Variants in BMPER observed in about 807,000 individuals in gnomAD.
BMPER encodes the protein BMP-binding endothelial regulator protein.
Under a neutral mutation model 87.3 loss-of-function variants are expected in BMPER, and 45 were observed. That is an observed-to-expected ratio of 0.52 (90% confidence interval 0.41 to 0.66). BMPER has a LOEUF of 0.66. BMPER is among the 30% of genes least tolerant of loss of function. BMPER has a pLI of 0.00. For synonymous variants in BMPER, 326 were observed against 316.2 expected, an observed-to-expected ratio of 1.03 and a Z score of -0.33; for missense variants, 784 against 867.5, an observed-to-expected ratio of 0.90 and a Z score of 1.21.
intron 11 of BMPER, among the ~76,000 whole-genome samples, chr7:34,064,705 C>G (rs1788533003): frequency 6.6e-6 from 1 of 152,216 alleles, no homozygotes; most frequent in Non-Finnish European, 1.5e-5. Context: ...GCATGTGGTT[C>G]TCTGTCCAAG....
chr7:34,143,132 A>G (rs1328284876), intron 13 of BMPER, 98 bp from the exon 14 acceptor site: 7 of 1,564,532 alleles, frequency 4.5e-6, no homozygotes, highest in South Asian at 2.2e-5. Context: ...TAATGGGCCA[A>G]TCAGGTTTTC....
At chr7:34,003,470 C>T (rs575427308) in intron 6 of BMPER, among the ~76,000 whole-genome samples, 19 of 151,906 alleles carry the variant, frequency 1.3e-4, no homozygotes, top group South Asian at 1.0e-3. Flanking sequence ...ATGCAGTTTC[C>T]GTTAAATCCT....
chr7:34,101,825 C>T (rs545327408), intron 13 of BMPER, among the ~76,000 whole-genome samples: 6 of 152,192 alleles, frequency 3.9e-5, no homozygotes. Context: ...CCAGGACCCC[C>T]TCAGGTGGTG....
chr7:33,926,054 C>A (rs1226405713), intron 2 of BMPER, among the ~76,000 whole-genome samples: 1 of 152,144 alleles, frequency 6.6e-6, no homozygotes, highest in African/African-American at 2.4e-5. Flanking sequence ...ATGGGAGGTG[C>A]CTGTGCTGTG....
At chr7:34,120,501 C>T (rs1312463861) in intron 13 of BMPER, among the ~76,000 whole-genome samples, 6 of 152,040 alleles carry the variant, frequency 3.9e-5, no homozygotes, top group Non-Finnish European at 5.9e-5. Flanking sequence ...CGGGTTCAAG[C>T]GATTCCTTTG....
intron 12 of BMPER, among the ~76,000 whole-genome samples, chr7:34,080,179 A>G (rs1398760894): frequency 1.3e-5 from 2 of 152,244 alleles, no homozygotes; most frequent in African/African-American, 4.8e-5. Flanking sequence ...GAATTTAACA[A>G]GTGTGAAAGT....
intron 6 of BMPER, among the ~76,000 whole-genome samples, chr7:34,025,878 A>G (rs1004812634): frequency 1.3e-5 from 2 of 151,996 alleles, no homozygotes; most frequent in Non-Finnish European, 1.5e-5. Flanking sequence ...GCATTTATTC[A>G]GAAGCTGGAA....
At chr7:33,980,949 T>C (rs1246840024) in intron 6 of BMPER, among the ~76,000 whole-genome samples, 1 of 152,096 alleles carries the variant, frequency 6.6e-6, no homozygotes, top group Non-Finnish European at 1.5e-5. Flanking sequence ...CAAGGAAGGG[T>C]ATTTGAAGAA....
intron 2 of BMPER, among the ~76,000 whole-genome samples, chr7:33,918,489 ACACT>A (rs1355233154): frequency 1.3e-5 from 2 of 152,180 alleles, no homozygotes; most frequent in Admixed American, 1.3e-4. Flanking sequence ...AATTCCAGAG[ACACT>A]CACAGCCTGC....
chr7:34,041,734 C>A (rs1787837627), intron 6 of BMPER, among the ~76,000 whole-genome samples: 2 of 152,152 alleles, frequency 1.3e-5, no homozygotes, highest in South Asian at 4.1e-4. Flanking sequence ...CCCCCTCCAA[C>A]TTCTCTCTCT....
chr7:33,915,020 A>G (rs1217289810), intron 2 of BMPER, among the ~76,000 whole-genome samples: 2 of 152,290 alleles, frequency 1.3e-5, no homozygotes, highest in Admixed American at 1.3e-4. Flanking sequence ...CATAGATGAG[A>G]TTCAGTGGAT....
intron 13 of BMPER, among the ~76,000 whole-genome samples, chr7:34,089,754 G>A (rs1177621254): frequency 2.0e-5 from 3 of 152,162 alleles, no homozygotes; most frequent in Non-Finnish European, 4.4e-5. Flanking sequence ...AAAGTGCTGG[G>A]ATTACAGGTG....
chr7:33,936,329 T>C (rs1784601778), intron 2 of BMPER, among the ~76,000 whole-genome samples: 1 of 152,140 alleles, frequency 6.6e-6, no homozygotes, highest in South Asian at 2.1e-4. Flanking sequence ...GGGAAGGGCA[T>C]AGGTGTGCAC....
rs114533228 is a variant in BMPER, at chr7:34,037,774, C to T, written c.577-8532C>T. ...ATTTGCCTATGACAAAAGGAGAGGG[C>T]GAATAAGACGAAAACATTGGATTGT... On this transcript the variant is annotated intron_variant, in intron 6 of 14. Transcript: ENST00000649409. Among the ~76,000 whole-genome samples, 1,254 of 152,196 alleles carry T rather than the reference C, an allele frequency of 8.2e-3. 18 individuals are homozygous for T. Among genetic ancestry groups the T allele is most frequent in the African/African-American group, 0.027 (1,131 of 41,540 alleles).
chr7:34,113,976 C>T (rs772645675), intron 13 of BMPER, among the ~76,000 whole-genome samples: 19 of 152,196 alleles, frequency 1.2e-4, no homozygotes, highest in Middle Eastern at 3.4e-3. Flanking sequence ...GTATTGGTGC[C>T]GTCTTCTCTC....
intron 14 of BMPER, among the ~76,000 whole-genome samples, chr7:34,143,838 T>G (rs938651789): frequency 6.6e-6 from 1 of 152,172 alleles, no homozygotes; most frequent in African/African-American, 2.4e-5. Flanking sequence ...GCAAGTAAAT[T>G]AGCTTATTTG....
chr7:33,933,975 A>G (rs939488922), intron 2 of BMPER, among the ~76,000 whole-genome samples: 2 of 152,252 alleles, frequency 1.3e-5, no homozygotes, highest in African/African-American at 2.4e-5. Flanking sequence ...CAGAGCCTGA[A>G]CACACAGAGA....
intron 11 of BMPER, among the ~76,000 whole-genome samples, chr7:34,075,739 G>A (rs182073842): frequency 3.3e-5 from 5 of 152,242 alleles, no homozygotes; most frequent in East Asian, 1.9e-4. Flanking sequence ...TGGGTCCACT[G>A]GAAAAAATTA....
intron 13 of BMPER, among the ~76,000 whole-genome samples, chr7:34,137,693 G>A (rs1790755910): frequency 6.6e-6 from 1 of 152,252 alleles, no homozygotes; most frequent in African/African-American, 2.4e-5. Flanking sequence ...GATTTTTCCA[G>A]TGGAAAAGAC....
Sources: allele counts gnomAD v4.1 joint callset (sites outside exome capture counted in the v4.1 genomes callset), GRCh38; gene constraint gnomAD v4.1.1; transcripts MANE v1.5; gene names NCBI Gene and HGNC (gene_info 2026-07-23, HGNC 2026-07-21).